BMPR2: variants seen among roughly 807,000 people sequenced by gnomAD.
BMPR2 encodes bone morphogenetic protein receptor type-2.
Under a neutral mutation model 100.8 loss-of-function variants are expected in BMPR2, and 29 were observed. That is an observed-to-expected ratio of 0.29 (90% confidence interval 0.21 to 0.39). BMPR2 has a LOEUF of 0.39. BMPR2 is among the 10% of genes least tolerant of loss of function. The pLI is 1.00. For synonymous variants in BMPR2, 382 were observed against 442.3 expected (o/e 0.86, Z 1.71); for missense variants, 1,011 against 1,274.5 (o/e 0.79, Z 3.15).
chr2:202,393,874 T>TGAGAGAGC (rs1179069513), intron 1 of BMPR2, among the ~76,000 whole-genome samples: 16 of 76,646 alleles, frequency 2.1e-4, no homozygotes, highest in Non-Finnish European at 4.0e-4. Context: ...ATTAAGGTAA[T>TGAGAGAGC]GAGAGAGCGA....
intron 1 of BMPR2, among the ~76,000 whole-genome samples, chr2:202,415,397 G>A (rs900640575): frequency 3.5e-4 from 54 of 152,186 alleles, no homozygotes; most frequent in African/African-American, 1.3e-3. Flanking sequence ...CTTGAGCCTG[G>A]GAGGCGGAGG....
chr2:202,409,034 C>T (rs1298656041), intron 1 of BMPR2, among the ~76,000 whole-genome samples: 1 of 152,154 alleles, frequency 6.6e-6, no homozygotes, highest in Non-Finnish European at 1.5e-5. Context: ...AACTACTCTT[C>T]TTAAATGTTC....
intron 3 of BMPR2, among the ~76,000 whole-genome samples, chr2:202,486,403 C>T (rs774885974): frequency 1.3e-5 from 2 of 151,800 alleles, no homozygotes; most frequent in Admixed American, 6.6e-5. Flanking sequence ...GCAAGGCAAG[C>T]GGATCACTTG....
chr2:202,496,265 T>C (rs977604054), intron 3 of BMPR2, among the ~76,000 whole-genome samples: 7 of 152,178 alleles, frequency 4.6e-5, no homozygotes, highest in Non-Finnish European at 1.0e-4. Context: ...GACAGGCAGA[T>C]TGCTTGAGCC....
At chr2:202,443,100 G>A (rs1691779813) in intron 1 of BMPR2, among the ~76,000 whole-genome samples, 1 of 150,478 alleles carries the variant, frequency 6.6e-6, no homozygotes, top group Non-Finnish European at 1.5e-5. Context: ...TACACTGTGG[G>A]AAGACACAGC....
At chr2:202,401,606 G>A (rs1690770177) in intron 1 of BMPR2, among the ~76,000 whole-genome samples, 1 of 152,170 alleles carries the variant, frequency 6.6e-6, no homozygotes, top group South Asian at 2.1e-4. Context: ...AAGTCAATGA[G>A]ATGGTTAATC....
intron 1 of BMPR2, among the ~76,000 whole-genome samples, chr2:202,435,006 G>T: frequency 7.1e-6 from 1 of 140,698 alleles, no homozygotes; most frequent in Non-Finnish European, 1.5e-5. Flanking sequence ...CTTGAGCTTA[G>T]GAGTTGCAGA....
At chr2:202,435,379 AT>A (rs1691595661) in intron 1 of BMPR2, among the ~76,000 whole-genome samples, 1 of 46,562 alleles carries the variant, frequency 2.1e-5, no homozygotes, top group African/African-American at 1.2e-4. Context: ...AAAAATACAT[AT>A]ATATATATAT....
intron 1 of BMPR2, among the ~76,000 whole-genome samples, chr2:202,403,059 C>G (rs1048674948): frequency 6.6e-6 from 1 of 151,934 alleles, no homozygotes; most frequent in Non-Finnish European, 1.5e-5. Flanking sequence ...AACTCCGGAC[C>G]TCAGGTAATC....
chr2:202,500,095 G>A (rs1370474776), intron 3 of BMPR2, among the ~76,000 whole-genome samples: 1 of 152,308 alleles, frequency 6.6e-6, no homozygotes, highest in East Asian at 1.9e-4. Context: ...AGGACTGAGG[G>A]TGCCCGGGGC....
chr2:202,535,329 G>A (rs1222797060), intron 9 of BMPR2, among the ~76,000 whole-genome samples: 2 of 151,330 alleles, frequency 1.3e-5, no homozygotes, highest in South Asian at 2.1e-4. Context: ...CTTCTCAGAC[G>A]GGGCGGTTGC....
intron 2 of BMPR2, among the ~76,000 whole-genome samples, chr2:202,466,765 A>G (rs1692331455): frequency 1.3e-5 from 2 of 151,432 alleles, no homozygotes; most frequent in Admixed American, 1.3e-4. Flanking sequence ...TTCCCAGCTA[A>G]TTTTTAAGTG....
chr2:202,472,165 G>T (rs1692450275), intron 3 of BMPR2, among the ~76,000 whole-genome samples: 2 of 152,164 alleles, frequency 1.3e-5, no homozygotes, highest in Non-Finnish European at 2.9e-5. Context: ...CATACTCTAG[G>T]ATCATCAGTT....
intron 1 of BMPR2, among the ~76,000 whole-genome samples, chr2:202,430,548 T>C (rs1691482039): frequency 6.6e-6 from 1 of 152,364 alleles, no homozygotes; most frequent in Non-Finnish European, 1.5e-5. Flanking sequence ...GTAGGTCTTC[T>C]GGACTGCTAA....
intron 10 of BMPR2, among the ~76,000 whole-genome samples, chr2:202,542,896 G>C (rs1688302838): frequency 6.6e-6 from 1 of 151,978 alleles, no homozygotes; most frequent in Non-Finnish European, 1.5e-5. Flanking sequence ...ATATAATTCG[G>C]CTGGGTGCGG....
At chr2:202,501,168 A>G (rs912630005) in intron 3 of BMPR2, among the ~76,000 whole-genome samples, 9 of 152,346 alleles carry the variant, frequency 5.9e-5, no homozygotes, top group African/African-American at 1.4e-4. Context: ...CAGGTTAAAT[A>G]TCTAGGCCTA....
intron 1 of BMPR2, among the ~76,000 whole-genome samples, chr2:202,437,017 T>C (rs1691627295): frequency 6.7e-6 from 1 of 150,172 alleles, no homozygotes; most frequent in South Asian, 2.1e-4. Flanking sequence ...AACTCTAAAT[T>C]TTTTTTTTGA....
At chr2:202,470,855 C>T (rs1428612208) in intron 3 of BMPR2, among the ~76,000 whole-genome samples, 1 of 151,862 alleles carries the variant, frequency 6.6e-6, no homozygotes, top group Non-Finnish European at 1.5e-5. Flanking sequence ...CTGCTTGATC[C>T]CAGAATTTCA....
chr2:202,379,880 C>T (rs1223624121), intron 1 of BMPR2, among the ~76,000 whole-genome samples: 1 of 141,112 alleles, frequency 7.1e-6, no homozygotes, highest in African/African-American at 2.5e-5. Flanking sequence ...TTTGTTCAGA[C>T]AGAGTATCAC....
Sources: allele counts gnomAD v4.1 joint callset (sites outside exome capture counted in the v4.1 genomes callset), GRCh38; gene constraint gnomAD v4.1.1; transcripts MANE v1.5; gene names NCBI Gene and HGNC (gene_info 2026-07-23, HGNC 2026-07-21).